Variants in ARSG observed in about 807,000 individuals in gnomAD.
ARSG encodes arylsulfatase G, also known as ASG.
ARSG carries 37 observed loss-of-function variants against 50.5 expected under a neutral mutation model. That is an observed-to-expected ratio of 0.73 (90% CI 0.56 to 0.96). The LOEUF (loss-of-function observed/expected upper bound fraction) is 0.96, where lower values mean the gene tolerates loss of function less well. Ranked by LOEUF, ARSG falls within the 50% of genes least tolerant of loss-of-function variation. ARSG has a pLI of 0.00. For synonymous variants in ARSG, 225 were observed against 254.6 expected, an observed-to-expected ratio of 0.88 and a Z score of 1.11; for missense variants, 629 against 675.3, an observed-to-expected ratio of 0.93 and a Z score of 0.76.
At chr17:68,424,833 C>T (rs2083052384), downstream of ARSG, among the ~76,000 whole-genome samples, 1 of 152,200 alleles carries the variant, frequency 6.6e-6, no homozygotes. Context: ...GCCGAGATCA[C>T]ACCACTGCAC....
intron 1 of ARSG, among the ~76,000 whole-genome samples, chr17:68,273,403 T>C (rs1260648723): frequency 3.3e-5 from 5 of 152,116 alleles, no homozygotes; most frequent in Non-Finnish European, 2.9e-5. Context: ...TTATTTTTTG[T>C]AGAGATGGAG....
chr17:68,282,492 T>TAAA (rs61418415), intron 1 of ARSG, among the ~76,000 whole-genome samples: 1 of 145,314 alleles, frequency 6.9e-6, no homozygotes, highest in Non-Finnish European at 1.5e-5. Flanking sequence ...CCCTAGAACT[T>TAAA]AAAAAAAAAA....
At chr17:68,426,235 T>TGCCG, downstream of ARSG, 1 of 652,396 alleles carries the variant, frequency 1.5e-6, no homozygotes, top group Non-Finnish European at 2.2e-6. Flanking sequence ...TGCCATGACC[T>TGCCG]GGCGGGTGGG....
At chr17:68,376,279 T>TTTTG (rs1337408655) in intron 8 of ARSG, among the ~76,000 whole-genome samples, 6 of 141,498 alleles carry the variant, frequency 4.2e-5, no homozygotes, top group African/African-American at 1.3e-4. Flanking sequence ...CCCCCTGCAT[T>TTTTG]TTTTTTTTTT....
intron 11 of ARSG, among the ~76,000 whole-genome samples, chr17:68,417,034 G>A (rs1419491233): frequency 6.6e-6 from 1 of 152,138 alleles, no homozygotes; most frequent in South Asian, 2.1e-4. Context: ...TTTTTGGGGA[G>A]TGTCAAAGAG....
rs782121485 is a variant in ARSG at position 68,269,136 on chromosome 17, T to G, written c.-552+9710T>G. ...TTGCACGTGAACTCTGTGCTCATTT[T>G]TTGCAAGATCCATTTCCAGAAAGTC... On this transcript the variant is annotated intron_variant, in intron 1 of 11. Transcript: ENST00000448504. 2.0e-6 allele frequency: 3 copies of G among 1,516,928 alleles called. No homozygotes were observed. The African/African-American group carries it at 4.3e-5, about 22-fold the overall frequency. The allele number at this position is 1,516,928 out of a possible 1,614,324, so 94.0% of individuals were successfully genotyped here. A position where few individuals can be genotyped will look rare whatever the true frequency, so the allele number is the denominator to read the frequency against.
chr17:68,450,443 C>A, the ARSG span, among the ~76,000 whole-genome samples: 6 of 152,300 alleles, frequency 3.9e-5, no homozygotes, highest in African/African-American at 9.6e-5. Flanking sequence ...AGAGCTCTGA[C>A]CCATCCCTGC....
At chr17:68,418,296 C>A (rs2082521764) in intron 11 of ARSG, among the ~76,000 whole-genome samples, 1 of 152,158 alleles carries the variant, frequency 6.6e-6, no homozygotes, top group African/African-American at 2.4e-5. Context: ...TAGGACGAGT[C>A]TTTCAGATTT....
intron 2 of ARSG, among the ~76,000 whole-genome samples, chr17:68,328,344 T>C (rs1476469768): frequency 6.6e-6 from 1 of 152,180 alleles, no homozygotes. Context: ...AATAACTTGA[T>C]GAGATAGGTC....
chr17:68,430,207 A>G, the ARSG span: 2 of 1,555,766 alleles, frequency 1.3e-6, no homozygotes, highest in South Asian at 2.4e-5. Flanking sequence ...TGCAGGCCCC[A>G]CACGCACCCA....
intron 4 of ARSG, among the ~76,000 whole-genome samples, chr17:68,347,644 C>T (rs2078575095): frequency 6.6e-6 from 1 of 152,220 alleles, no homozygotes; most frequent in Non-Finnish European, 1.5e-5. Context: ...CAAGATCAAG[C>T]TACCAAAGCT....
At chr17:68,413,985 C>G (rs907985068) in intron 11 of ARSG, 1 of 155,090 alleles carries the variant, frequency 6.4e-6, no homozygotes, top group Admixed American at 6.5e-5. Flanking sequence ...GCGCACGGTG[C>G]GCGCACCCAC....
Position 68,372,877 on chromosome 17 carries a change from A to ATTT in ARSG, c.982+2383_982+2385dup, listed in dbSNP as rs55668215. Among the ~76,000 whole-genome samples the ATTT allele has an allele frequency of 7.0e-4, 65 of 93,202 alleles. 2 individuals are homozygous for ATTT. The highest frequency in any genetic ancestry group is 2.0e-3 in the South Asian group (5 of 2,470). The allele number at this position is 93,202 out of a possible 152,430, so 61.1% of individuals were successfully genotyped here. A position where few individuals can be genotyped will look rare whatever the true frequency, so the allele number is the denominator to read the frequency against. On this transcript the variant is annotated intron_variant, in intron 8 of 11. Transcript: ENST00000621439. ...TTCTGGTGCAGAGAAGGAAATGCTG[A>ATTT]TTTTTTTTTTTTTTTTTTTTTTTTT...
chr17:68,388,264 C>T (rs1016846963), intron 9 of ARSG, among the ~76,000 whole-genome samples: 2 of 152,118 alleles, frequency 1.3e-5, no homozygotes, highest in East Asian at 1.9e-4. Context: ...GTGGCGTGGT[C>T]GGCATTTTGG....
intron 8 of ARSG, among the ~76,000 whole-genome samples, chr17:68,384,037 C>A (rs1288848904): frequency 6.6e-6 from 1 of 152,170 alleles, no homozygotes; most frequent in African/African-American, 2.4e-5. Flanking sequence ...AGTGCTAGTA[C>A]AGGGCGACAG....
chr17:68,327,737 C>T (rs1327005586), intron 2 of ARSG, among the ~76,000 whole-genome samples: 1 of 152,158 alleles, frequency 6.6e-6, no homozygotes, highest in Non-Finnish European at 1.5e-5. Context: ...GGGGACGCAG[C>T]CCAACCCACA....
chr17:68,339,980 A>G (rs1027313863), intron 2 of ARSG, among the ~76,000 whole-genome samples: 3 of 152,198 alleles, frequency 2.0e-5, no homozygotes, highest in Non-Finnish European at 4.4e-5. Context: ...CAAAGAAAAA[A>G]GAAAATAGAT....
rs544078613 is a variant in ARSG, at chr17:68,358,614, G to A, written c.704+1810G>A. Among the ~76,000 whole-genome samples the A allele has an allele frequency of 7.9e-5, 12 of 152,128 alleles. No homozygotes were observed. The East Asian group carries it at 1.9e-3, about 25-fold the overall frequency. ...TGAGGTAGGAGAATCACTTGAGCCC[G>A]GGAGGTGGAGGTTGCAGTGAGCCCA... On this transcript the variant is annotated intron_variant, in intron 6 of 11. Transcript: ENST00000621439.
At chr17:68,398,763 C>T (rs1345892581) in intron 10 of ARSG, among the ~76,000 whole-genome samples, 1 of 152,208 alleles carries the variant, frequency 6.6e-6, no homozygotes, top group Non-Finnish European at 1.5e-5. Flanking sequence ...ACAACCCACT[C>T]CAGCAACCTC....
Sources: allele counts gnomAD v4.1 joint callset (sites outside exome capture counted in the v4.1 genomes callset), GRCh38; gene constraint gnomAD v4.1.1; transcripts MANE v1.5; gene names NCBI Gene and HGNC (gene_info 2026-07-23, HGNC 2026-07-21).